The following BRINP1 variants were observed in gnomAD, a reference collection of about 807,000 sequenced individuals.
BRINP1 encodes the protein BMP/retinoic acid inducible neural specific 1, also known as BMP/retinoic acid-inducible neural-specific protein 1.
Under a neutral mutation model 72.9 loss-of-function variants are expected in BRINP1, and 17 were observed. The ratio of observed to expected loss-of-function variants is 0.23; its 90% CI spans 0.16 to 0.35. The LOEUF (loss-of-function observed/expected upper bound fraction) is 0.35, where lower values mean the gene tolerates loss of function less well. Among genes scored for constraint, BRINP1 ranks in the 10% least tolerant of loss-of-function variants. The pLI, the probability that BRINP1 is intolerant of heterozygous loss-of-function variation, is 1.00. For synonymous variants in BRINP1, 418 were observed against 378.5 expected (o/e 1.10, Z -1.21); for missense variants, 850 against 1,001.6 (o/e 0.85, Z 2.04).
intron 5 of BRINP1, among the ~76,000 whole-genome samples, chr9:119,224,384 T>C (rs942259041): frequency 2.0e-5 from 3 of 152,048 alleles, no homozygotes; most frequent in African/African-American, 7.2e-5. Context: ...TCTGCAAATA[T>C]GCCCAAACCC....
chr9:119,293,023 G>A (rs1319652514), intron 2 of BRINP1, among the ~76,000 whole-genome samples: 3 of 152,132 alleles, frequency 2.0e-5, no homozygotes, highest in Non-Finnish European at 4.4e-5. Context: ...TTCTGTCTGA[G>A]TACATAACAG....
At chr9:119,184,651 C>T (rs1323365665) in intron 7 of BRINP1, among the ~76,000 whole-genome samples, 6 of 152,158 alleles carry the variant, frequency 3.9e-5, no homozygotes, top group Admixed American at 3.3e-4. Flanking sequence ...GGAGAGCTGC[C>T]TATGAGTTTA....
At chr9:119,336,144 T>G (rs1043546087) in intron 1 of BRINP1, among the ~76,000 whole-genome samples, 8 of 152,312 alleles carry the variant, frequency 5.3e-5, no homozygotes, top group Non-Finnish European at 1.2e-4. Context: ...TGATGTTTCC[T>G]TCAAGTGCTC....
At chr9:119,229,863 C>T (rs2068497) in intron 5 of BRINP1, among the ~76,000 whole-genome samples, 72,927 of 151,892 alleles carry the variant, frequency 0.48, 17,866 homozygotes, top group Middle Eastern at 0.67. Flanking sequence ...TTCACACAGT[C>T]GTACAGCAAC....
chr9:119,331,435 T>C lies in BRINP1; in HGVS notation c.-50-18030A>G, dbSNP rs143640534. Among the ~76,000 whole-genome samples, 3 of 152,352 alleles carry C rather than the reference T, an allele frequency of 2.0e-5. No individual in the cohort carries two copies. The East Asian group carries it at 5.8e-4, about 29-fold the overall frequency. ...TTGCCTTAAAACAATTTCAGTTTGGTTCGCTACTGCTAGCAGCACACAGAG... is the reference window on the plus strand; with the variant it reads ...TTGCCTTAAAACAATTTCAGTTTGGCTCGCTACTGCTAGCAGCACACAGAG... On this transcript the variant is annotated intron_variant, in intron 1 of 7. Coordinates refer to ENST00000265922, the MANE Select transcript of BRINP1 (RefSeq NM_014618.3).
At chr9:119,272,258 T>C (rs1035777877) in intron 2 of BRINP1, among the ~76,000 whole-genome samples, 1 of 151,938 alleles carries the variant, frequency 6.6e-6, no homozygotes, top group Non-Finnish European at 1.5e-5. Flanking sequence ...AATTTTTGTA[T>C]TTTTAGTAGA....
intron 1 of BRINP1, among the ~76,000 whole-genome samples, chr9:119,331,575 T>A (rs915621674): frequency 3.9e-5 from 6 of 152,208 alleles, no homozygotes; most frequent in Non-Finnish European, 7.3e-5. Context: ...GTGTTCCTGC[T>A]GTCATGAGTG....
intron 7 of BRINP1, among the ~76,000 whole-genome samples, chr9:119,169,472 G>C (rs962062272): frequency 5.9e-5 from 9 of 152,242 alleles, no homozygotes; most frequent in Non-Finnish European, 1.2e-4. Flanking sequence ...ACCTGGCTCG[G>C]AGGGTCCTAC....
chr9:119,335,110 A>G (rs1239975692), intron 1 of BRINP1, among the ~76,000 whole-genome samples: 1 of 152,176 alleles, frequency 6.6e-6, no homozygotes, highest in Non-Finnish European at 1.5e-5. Context: ...GGAGGAGGAG[A>G]GAAGGCACCA....
chr9:119,202,478 A>G (rs934595361), intron 7 of BRINP1, among the ~76,000 whole-genome samples: 6 of 152,090 alleles, frequency 3.9e-5, no homozygotes, highest in Admixed American at 2.6e-4. Context: ...AAATTATTAT[A>G]CCCATTTTAT....
chr9:119,283,300 C>T (rs1830731290), intron 2 of BRINP1: 2 of 486,518 alleles, frequency 4.1e-6, no homozygotes, highest in African/African-American at 2.1e-5. Context: ...AGCCCTGCCC[C>T]AGACAGACCC....
At chr9:119,314,525 C>T (rs564653545) in intron 1 of BRINP1, among the ~76,000 whole-genome samples, 1 of 152,160 alleles carries the variant, frequency 6.6e-6, no homozygotes, top group African/African-American at 2.4e-5. Flanking sequence ...GCCACCACAC[C>T]CAGCTGATTT....
At chr9:119,343,713 G>A (rs1831425696) in intron 1 of BRINP1, among the ~76,000 whole-genome samples, 1 of 152,080 alleles carries the variant, frequency 6.6e-6, no homozygotes, top group Admixed American at 6.6e-5. Context: ...ACTGAAATTT[G>A]AGATGCACTA....
chr9:119,248,671 A>C (rs1245136665), intron 3 of BRINP1, among the ~76,000 whole-genome samples: 1 of 152,240 alleles, frequency 6.6e-6, no homozygotes, highest in Non-Finnish European at 1.5e-5. Flanking sequence ...GGAACTGAGA[A>C]AATGATCAGA....
At chr9:119,319,829 C>T (rs1831166058) in intron 1 of BRINP1, among the ~76,000 whole-genome samples, 1 of 152,210 alleles carries the variant, frequency 6.6e-6, no homozygotes. Context: ...TATCCCATTA[C>T]ACAGTCTGTA....
At chr9:119,222,316 A>G (rs948618383) in intron 5 of BRINP1, among the ~76,000 whole-genome samples, 8 of 152,112 alleles carry the variant, frequency 5.3e-5, no homozygotes, top group African/African-American at 1.9e-4. Flanking sequence ...GAGTTGACAA[A>G]CTATAGCCAA....
intron 2 of BRINP1, chr9:119,282,868 C>T (rs759378328): frequency 3.0e-5 from 30 of 985,144 alleles, no homozygotes; most frequent in Non-Finnish European, 1.4e-5. Flanking sequence ...TTACCTCTTA[C>T]GGTTGCGCTT....
chr9:119,362,199 C>T (rs1230867952), intron 1 of BRINP1, among the ~76,000 whole-genome samples: 2 of 151,978 alleles, frequency 1.3e-5, no homozygotes, highest in Non-Finnish European at 2.9e-5. Context: ...AGAAGGCAAG[C>T]CTGGAGAGAT....
At chr9:119,228,266 TCAATTCAG>T (rs1448381917) in intron 5 of BRINP1, among the ~76,000 whole-genome samples, 1 of 151,844 alleles carries the variant, frequency 6.6e-6, no homozygotes, top group Non-Finnish European at 1.5e-5. Context: ...ATTCAAAAAC[TCAATTCAG>T]CAATTCAGCA....
Sources: gnomAD v4.1 joint callset for allele counts (sites outside exome capture counted in the v4.1 genomes callset) on GRCh38, gnomAD v4.1.1 for gene constraint, MANE v1.5 for transcripts, NCBI Gene and HGNC (gene_info 2026-07-23, HGNC 2026-07-21) for gene names.